The following UNC79 variants were observed in gnomAD, a reference collection of about 807,000 sequenced individuals.
UNC79 encodes the protein protein unc-79 homolog.
UNC79 carries 37 observed loss-of-function variants against 283.1 expected under a neutral mutation model. That is an observed-to-expected ratio of 0.13 (90% CI 0.10 to 0.17). The LOEUF is 0.17. Ranked by LOEUF, UNC79 falls within the 10% of genes least tolerant of loss-of-function variation. The probability of loss-of-function intolerance (pLI) is 1.00; values close to 1 mark genes in which losing one functional copy is unlikely to be tolerated. For synonymous variants in UNC79, 1,107 were observed against 1,200.2 expected, an observed-to-expected ratio of 0.92 and a Z score of 1.61; for missense variants, 2,272 against 3,211.1, an observed-to-expected ratio of 0.71 and a Z score of 7.07.
intron 11 of UNC79, among the ~76,000 whole-genome samples, chr14:93,534,418 G>A (rs1218869357): frequency 1.3e-5 from 2 of 152,146 alleles, no homozygotes; most frequent in Non-Finnish European, 2.9e-5. Context: ...TGGTGCTTTT[G>A]CTAGTATGAC....
At chr14:93,538,670 C>A (rs969962533) in intron 12 of UNC79, among the ~76,000 whole-genome samples, 2 of 151,980 alleles carry the variant, frequency 1.3e-5, no homozygotes, top group South Asian at 4.2e-4. Flanking sequence ...GGGCGAATTA[C>A]CTGCATAGGA....
intron 5 of UNC79, among the ~76,000 whole-genome samples, chr14:93,493,483 C>T (rs1219790335): frequency 6.6e-6 from 1 of 152,110 alleles, no homozygotes; most frequent in Non-Finnish European, 1.5e-5. Flanking sequence ...TATAGATTGA[C>T]CTGGAAGGAG....
At position 93,597,303 on chromosome 14, in the gene UNC79, G is replaced by A. The variant is rs1320188592; in HGVS notation, c.3191-56G>A. On this transcript the variant is annotated intron_variant, in intron 23 of 48. Transcript: ENST00000555664. The stretch of plus-strand genomic sequence containing the variant: ...AGACTGGCTAAATAAATGTGTATGC[G>A]TGTGCCTGTAGGTGTGTGTGTATTT... The A allele has an allele frequency of 1.7e-5, 26 of 1,559,100 alleles. No homozygotes were observed. The Admixed American group carries it at 3.1e-4, about 19-fold the overall frequency.
intron 1 of UNC79, among the ~76,000 whole-genome samples, chr14:93,446,705 T>A (rs1401360662): frequency 6.6e-6 from 1 of 152,152 alleles, no homozygotes; most frequent in Non-Finnish European, 1.5e-5. Context: ...AGAAGTGTGT[T>A]GTTTAATTTC....
intron 7 of UNC79, among the ~76,000 whole-genome samples, chr14:93,502,937 A>G (rs1357170169): frequency 1.3e-5 from 2 of 152,234 alleles, no homozygotes; most frequent in African/African-American, 4.8e-5. Flanking sequence ...TGTCACATTG[A>G]GTTCTTAGTT....
chr14:93,535,151 T>C (rs1024928037), intron 11 of UNC79, among the ~76,000 whole-genome samples: 3 of 152,206 alleles, frequency 2.0e-5, no homozygotes, highest in Admixed American at 2.0e-4. Context: ...AGCAAAGTGG[T>C]TGGAGTGAAC....
chr14:93,529,666 G>T (rs2060714313), intron 10 of UNC79, among the ~76,000 whole-genome samples: 1 of 152,136 alleles, frequency 6.6e-6, no homozygotes, highest in African/African-American at 2.4e-5. Flanking sequence ...TTACTAAGGA[G>T]AAGAAAAAGA....
At chr14:93,457,131 G>A (rs2056818251) in intron 1 of UNC79, among the ~76,000 whole-genome samples, 1 of 152,210 alleles carries the variant, frequency 6.6e-6, no homozygotes, top group Admixed American at 6.5e-5. Flanking sequence ...CTGCTCCATT[G>A]TACCAAGAGT....
At chr14:93,653,538 C>T (rs1319909057) in intron 35 of UNC79, among the ~76,000 whole-genome samples, 7 of 152,170 alleles carry the variant, frequency 4.6e-5, no homozygotes, top group Non-Finnish European at 8.8e-5. Flanking sequence ...TGAGACTACA[C>T]TGGCATTTCA....
At chr14:93,341,916 A>G (rs191031676) in intron 1 of UNC79, among the ~76,000 whole-genome samples, 68 of 152,218 alleles carry the variant, frequency 4.5e-4, no homozygotes, top group African/African-American at 1.5e-3. Flanking sequence ...TTGGGCAGCT[A>G]TTCTTGTGTG....
chr14:93,666,614 A>G (rs1363395193), intron 40 of UNC79, among the ~76,000 whole-genome samples: 2 of 152,184 alleles, frequency 1.3e-5, no homozygotes, highest in African/African-American at 4.8e-5. Context: ...TATATAAAAC[A>G]AAATATAATA....
chr14:93,633,428 G>T (rs1023618791), intron 31 of UNC79, among the ~76,000 whole-genome samples: 1 of 152,178 alleles, frequency 6.6e-6, no homozygotes. Flanking sequence ...TTGCCACCTT[G>T]GTGCCATGAT....
At chr14:93,464,575 A>AT (rs2057086282) in intron 1 of UNC79, 1 of 456,214 alleles carries the variant, frequency 2.2e-6, no homozygotes, top group South Asian at 1.5e-5. Flanking sequence ...GCGCCACAAA[A>AT]TTCAGTCAAT....
At chr14:93,538,663 C>T (rs1022924161) in intron 12 of UNC79, among the ~76,000 whole-genome samples, 5 of 151,850 alleles carry the variant, frequency 3.3e-5, no homozygotes, top group Non-Finnish European at 5.9e-5. Context: ...GCAACAAGGG[C>T]GAATTACCTG....
chr14:93,367,203 T>C (rs760282188), intron 1 of UNC79, among the ~76,000 whole-genome samples: 2 of 151,966 alleles, frequency 1.3e-5, no homozygotes, highest in Non-Finnish European at 2.9e-5. Context: ...AATAAAATAG[T>C]AAAAAAAGAA....
chr14:93,336,031 G>T (rs943908048), intron 1 of UNC79, among the ~76,000 whole-genome samples: 4 of 152,096 alleles, frequency 2.6e-5, no homozygotes, highest in Non-Finnish European at 4.4e-5. Context: ...ACATTTCATG[G>T]TATATTCCAT....
At chr14:93,493,368 G>A (rs992871830) in intron 5 of UNC79, among the ~76,000 whole-genome samples, 20 of 152,202 alleles carry the variant, frequency 1.3e-4, no homozygotes, top group South Asian at 8.3e-4. Context: ...GGAGGCCTGC[G>A]TTTATTCCAA....
intron 1 of UNC79, among the ~76,000 whole-genome samples, chr14:93,383,609 A>G (rs1442535408): frequency 6.6e-6 from 1 of 152,128 alleles, no homozygotes; most frequent in Non-Finnish European, 1.5e-5. Context: ...AGCAAGGTGT[A>G]CTCTCTGCTG....
At chr14:93,561,872 G>A (rs1376479748) in intron 14 of UNC79, among the ~76,000 whole-genome samples, 3 of 152,168 alleles carry the variant, frequency 2.0e-5, no homozygotes, top group Non-Finnish European at 2.9e-5. Context: ...AGTTGAGAAC[G>A]GTGAATAGGA....
Sources: gnomAD v4.1 joint callset for allele counts (sites outside exome capture counted in the v4.1 genomes callset) on GRCh38, gnomAD v4.1.1 for gene constraint, MANE v1.5 for transcripts, NCBI Gene and HGNC (gene_info 2026-07-23, HGNC 2026-07-21) for gene names.